Variants in FBLN2 observed in about 807,000 individuals in gnomAD.
The protein encoded by FBLN2 is fibulin 2.
Under a neutral mutation model 123.7 loss-of-function variants are expected in FBLN2, and 81 were observed. The observed-to-expected ratio is 0.65, with a 90% CI of 0.55 to 0.79. The LOEUF is 0.79. Among genes scored for constraint, FBLN2 ranks in the 30% least tolerant of loss-of-function variants. FBLN2 has a pLI of 0.00. For synonymous variants in FBLN2, 699 were observed against 701.4 expected (o/e 1.00, Z 0.05); for missense variants, 1,603 against 1,681.3 (o/e 0.95, Z 0.81).
Position 13,570,773 on chromosome 3 carries a change from G to C in FBLN2, c.418G>C (p.Val140Leu). Residue 140 changes from valine to leucine, a missense_variant, in exon 2 of 18, where the codon GTC becomes CTC. Physicochemically the swap from Val to Leu is conservative, Grantham distance 32. Transcript: ENST00000404922. ...SCPQCGQVGCVHAGHKYAAGH... is the reference protein window; with the variant it reads ...SCPQCGQVGCLHAGHKYAAGH... ...CCCACAGTGCGGCCAGGTGGGCTGCGTCCACGCGGGCCACAAGTACGCCGC... is the reference window on the plus strand; with the variant it reads ...CCCACAGTGCGGCCAGGTGGGCTGCCTCCACGCGGGCCACAAGTACGCCGC... 1 of 1,599,852 alleles carries C rather than the reference G, an allele frequency of 6.3e-7. No individual in the cohort carries two copies. Among genetic ancestry groups the C allele is most frequent in the South Asian group, 1.1e-5 (1 of 89,344 alleles).
intron 2 of FBLN2, among the ~76,000 whole-genome samples, chr3:13,590,081 A>G (rs1704622014): frequency 6.6e-6 from 1 of 152,204 alleles, no homozygotes; most frequent in South Asian, 2.1e-4. Flanking sequence ...CAAGCACCCC[A>G]GAGTTTTCCT....
chr3:13,567,530 G>A (rs769115031), intron 1 of FBLN2, among the ~76,000 whole-genome samples: 1 of 151,898 alleles, frequency 6.6e-6, no homozygotes, highest in African/African-American at 2.4e-5. Flanking sequence ...GCTAATTTTT[G>A]TATTTCTGGT....
intron 2 of FBLN2, among the ~76,000 whole-genome samples, chr3:13,600,189 G>A (rs1194051442): frequency 1.3e-5 from 2 of 152,176 alleles, no homozygotes; most frequent in South Asian, 2.1e-4. Context: ...GAGGGCGGGG[G>A]CCTCTGGACA....
chr3:13,550,127 C>T (rs1361624335), intron 1 of FBLN2, among the ~76,000 whole-genome samples: 1 of 152,250 alleles, frequency 6.6e-6, no homozygotes, highest in Non-Finnish European at 1.5e-5. Flanking sequence ...CACAGACCCC[C>T]ACGACTTCAC....
At chr3:13,598,636 A>G (rs531953072) in intron 2 of FBLN2, among the ~76,000 whole-genome samples, 1 of 152,322 alleles carries the variant, frequency 6.6e-6, no homozygotes, top group African/African-American at 2.4e-5. Flanking sequence ...TGTGAGCTTT[A>G]CATGAGATGA....
In FBLN2 at chr3:13,638,045, C is replaced by G. The variant is rs1202591766; in HGVS notation, c.*126C>G. On this transcript the variant is annotated 3_prime_UTR_variant, in exon 18 of 18. Coordinates refer to ENST00000404922, the MANE Select transcript of FBLN2 (RefSeq NM_001004019.2). ...TTAACTTAATTTTGCTGACTTGACT[C>G]CTGTGGCTTCTGGACCCCTCCTCTG... 1.1e-6 allele frequency: 1 copy of G among 923,626 alleles called. No homozygotes were observed. The highest frequency in any genetic ancestry group is 1.7e-5 in the African/African-American group (1 of 59,612). 57.2% of individuals were successfully genotyped at this position (923,626 alleles called of 1,614,324 possible). A position where few individuals can be genotyped will look rare whatever the true frequency, so the allele number is the denominator to read the frequency against.
intron 15 of FBLN2, among the ~76,000 whole-genome samples, 178 bp from the exon 16 acceptor site, chr3:13,631,151 G>A (rs767285156): frequency 6.6e-6 from 1 of 152,168 alleles, no homozygotes; most frequent in Non-Finnish European, 1.5e-5. Context: ...GCACTGGAGT[G>A]GGAGTCCTGT....
intron 7 of FBLN2, 40 bp downstream of exon 7, chr3:13,619,057 G>GCCCAGGC: frequency 6.6e-7 from 1 of 1,503,832 alleles, no homozygotes; most frequent in Non-Finnish European, 9.1e-7. Context: ...AGGGCCCAGG[G>GCCCAGGC]TCCAGGGGGT....
rs748826517 is a variant in FBLN2 at position 13,571,582 on chromosome 3, G to A, written c.1227G>A (p.Pro409=). The A allele has an allele frequency of 9.3e-6, 15 of 1,613,150 alleles. No homozygotes were observed. The highest frequency in any genetic ancestry group is 6.6e-5 in the South Asian group (6 of 90,808). The stretch of plus-strand genomic sequence containing the variant: ...CCACCCGAGAAGTGCCCAGGAAGCC[G>A]CAAGTTCTGCCCCATTCCCACGTGG... ...IPPTREVPRK[P]QVLPHSHVEE... Residue 409 remains proline, a synonymous_variant, in exon 2 of 18, where the codon CCG becomes CCA. Transcript: ENST00000404922.
intron 5 of FBLN2, among the ~76,000 whole-genome samples, chr3:13,615,257 C>T (rs575069403): frequency 3.9e-5 from 6 of 152,334 alleles, no homozygotes; most frequent in African/African-American, 9.6e-5. Flanking sequence ...GGGCTGGTGC[C>T]GTGAGAGTCC....
At chr3:13,634,953 G>A (rs912589758) in intron 16 of FBLN2, among the ~76,000 whole-genome samples, 9 of 152,220 alleles carry the variant, frequency 5.9e-5, no homozygotes, top group African/African-American at 2.2e-4. Context: ...CTGACTATTG[G>A]TATTATTACT....
Position 13,570,461 on chromosome 3 carries a change from G to A in FBLN2, c.106G>A (p.Val36Met), listed in dbSNP as rs779542165. The A allele has an allele frequency of 1.7e-5, 26 of 1,573,964 alleles. No homozygotes were observed. Among genetic ancestry groups the A allele is most frequent in the Admixed American group, 1.1e-4 (6 of 54,830 alleles). The change falls in exon 2 of 18, where the codon GTG (valine) becomes ATG (methionine). Residue 36 changes from valine (V) to methionine (M), a missense_variant. Physicochemically the swap from Val to Met is conservative, Grantham distance 21 (BLOSUM62 1). Coordinates refer to ENST00000404922, the MANE Select transcript of FBLN2 (RefSeq NM_001004019.2). ...TGCCCCTCGGCAGGACTGCACGGGC[G>A]TGGAGTGCCCGCCGCTGGAGAACTG... is the stretch of plus-strand genomic sequence containing the variant. ...AAAPRQDCTG[V>M]ECPPLENCIE...
intron 2 of FBLN2, among the ~76,000 whole-genome samples, chr3:13,577,712 C>T (rs1289216425): frequency 6.6e-6 from 1 of 152,190 alleles, no homozygotes; most frequent in African/African-American, 2.4e-5. Context: ...AGAATGGGAG[C>T]AGGTGGCTGC....
At chr3:13,556,447 C>A (rs1703466289) in intron 1 of FBLN2, among the ~76,000 whole-genome samples, 1 of 152,186 alleles carries the variant, frequency 6.6e-6, no homozygotes, top group Admixed American at 6.5e-5. Flanking sequence ...ACCCATGTAA[C>A]CTCATCTAAA....
intron 2 of FBLN2, among the ~76,000 whole-genome samples, chr3:13,604,766 A>G (rs1705148572): frequency 6.6e-6 from 1 of 152,262 alleles, no homozygotes; most frequent in Non-Finnish European, 1.5e-5. Flanking sequence ...GCCTCAGAGC[A>G]GAACAGTAAC....
At chr3:13,585,602 C>G (rs796573588) in intron 2 of FBLN2, among the ~76,000 whole-genome samples, 2 of 152,306 alleles carry the variant, frequency 1.3e-5, no homozygotes, top group African/African-American at 4.8e-5. Context: ...CTGGTATAAG[C>G]AAACCTACCG....
intron 2 of FBLN2, among the ~76,000 whole-genome samples, chr3:13,573,394 C>T (rs1257225646): frequency 6.6e-6 from 1 of 152,088 alleles, no homozygotes; most frequent in East Asian, 1.9e-4. Flanking sequence ...CTTCCCTGAC[C>T]CCCAGGAGGA....
At chr3:13,614,874 A>G (rs73150603) in intron 5 of FBLN2, among the ~76,000 whole-genome samples, 5,557 of 145,004 alleles carry the variant, frequency 0.038, 370 homozygotes, top group African/African-American at 0.14. Flanking sequence ...CTGTCCATCT[A>G]TCCATCTGTC....
intron 4 of FBLN2, among the ~76,000 whole-genome samples, chr3:13,613,719 A>G (rs1705478416): frequency 6.6e-6 from 1 of 152,214 alleles, no homozygotes; most frequent in Admixed American, 6.5e-5. Flanking sequence ...AGTAAACATG[A>G]GGGGATAATG....
Sources: gnomAD v4.1 joint callset for allele counts (sites outside exome capture counted in the v4.1 genomes callset) on GRCh38, gnomAD v4.1.1 for gene constraint, MANE v1.5 for transcripts, NCBI Gene and HGNC (gene_info 2026-07-23, HGNC 2026-07-21) for gene names.